The following UGGT2 variants were observed in gnomAD, a reference collection of about 807,000 sequenced individuals.
UGGT2 encodes UDP-glucose glycoprotein glucosyltransferase 2.
A neutral mutation model predicts 192.1 loss-of-function variants in UGGT2; 180 were observed. The observed-to-expected ratio is 0.94, with a 90% CI of 0.83 to 1.06. UGGT2 has a LOEUF of 1.06. Ranked by LOEUF, UGGT2 falls within the 50% of genes least tolerant of loss-of-function variation. UGGT2 has a pLI of 0.00. For missense variants in UGGT2, 1,849 were observed against 1,795.7 expected, an observed-to-expected ratio of 1.03 and a Z score of -0.54; for synonymous variants, 580 against 591.0, an observed-to-expected ratio of 0.98 and a Z score of 0.27.
chr13:95,920,888 G>A (rs1369917383), intron 20 of UGGT2, among the ~76,000 whole-genome samples: 1 of 152,084 alleles, frequency 6.6e-6, no homozygotes, highest in African/African-American at 2.4e-5. Flanking sequence ...AAGGATACAG[G>A]AACGTGTATG....
chr13:95,940,756 A>T (rs572647481), intron 15 of UGGT2, among the ~76,000 whole-genome samples: 1 of 147,334 alleles, frequency 6.8e-6, no homozygotes, highest in Non-Finnish European at 1.5e-5. Context: ...CATCTGGATA[A>T]ATTTTTTTGT....
chr13:95,828,896 T>C (rs543433482), intron 38 of UGGT2, among the ~76,000 whole-genome samples: 1 of 152,280 alleles, frequency 6.6e-6, no homozygotes, highest in African/African-American at 2.4e-5. Flanking sequence ...ATATCCCTGA[T>C]GAACATCAAT....
chr13:95,860,369 A>G (rs1890043353), intron 32 of UGGT2, among the ~76,000 whole-genome samples: 1 of 148,946 alleles, frequency 6.7e-6, no homozygotes, highest in African/African-American at 2.4e-5. Context: ...GTATATCTAT[A>G]TATATATATT....
chr13:95,952,598 T>C (rs757721208), intron 12 of UGGT2, among the ~76,000 whole-genome samples: 47 of 152,198 alleles, frequency 3.1e-4, no homozygotes, highest in Non-Finnish European at 5.4e-4. Flanking sequence ...GTTAGTTGAA[T>C]CCAGGCATGT....
At chr13:95,852,390 C>A (rs546945579) in intron 36 of UGGT2, among the ~76,000 whole-genome samples, 2 of 152,282 alleles carry the variant, frequency 1.3e-5, no homozygotes, top group East Asian at 3.9e-4. Context: ...CAAAAGTCAT[C>A]TTCATAGGGA....
rs1399650031 is a variant in UGGT2, at chr13:95,996,102, T to A, written c.791A>T (p.Glu264Val). The A allele has an allele frequency of 3.1e-6, 5 of 1,613,818 alleles. No homozygotes were observed. The change falls in exon 7 of 39, where the codon GAA becomes GTA. Residue 264 changes from glutamate to valine, a missense_variant. Physicochemically the swap from Glu to Val is moderately radical, Grantham distance 121 (BLOSUM62 -2). Coordinates refer to ENST00000376747, the MANE Select transcript of UGGT2 (RefSeq NM_020121.4). ...GAGAAATCCTTGAACTTCATTTGTTTCAGTCTCATCCTCTACAGTAGTATT... is the reference window on the plus strand; with the variant it reads ...GAGAAATCCTTGAACTTCATTTGTTACAGTCTCATCCTCTACAGTAGTATT... ...VTNTTVEDET[E>V]TNEVQGFLFG...
At chr13:96,031,536 C>CT (rs1343909493) in intron 2 of UGGT2, among the ~76,000 whole-genome samples, 1 of 152,124 alleles carries the variant, frequency 6.6e-6, no homozygotes, top group African/African-American at 2.4e-5. Flanking sequence ...AGGCTAGTCT[C>CT]TGACTCCTGG....
intron 1 of UGGT2, among the ~76,000 whole-genome samples, chr13:96,037,448 C>T (rs779920667): frequency 3.9e-5 from 6 of 152,240 alleles, no homozygotes; most frequent in Admixed American, 6.5e-5. Flanking sequence ...CTGCCCGCCT[C>T]GGCCTCCCCA....
At chr13:96,026,139 G>A (rs568928742) in intron 2 of UGGT2, among the ~76,000 whole-genome samples, 4 of 151,380 alleles carry the variant, frequency 2.6e-5, no homozygotes, top group South Asian at 4.3e-4. Context: ...GACACAGAAT[G>A]ATCAGCATTG....
intron 38 of UGGT2, among the ~76,000 whole-genome samples, chr13:95,821,268 T>A (rs566217531): frequency 1.3e-5 from 2 of 152,310 alleles, no homozygotes; most frequent in East Asian, 3.9e-4. Flanking sequence ...TCTGACTTTT[T>A]CTTCATGGCC....
rs769031474 is a variant in UGGT2, at chr13:95,854,373, G to A, written c.4111C>T (p.Arg1371Cys). The A allele has an allele frequency of 2.4e-5, 39 of 1,613,626 alleles. No homozygotes were observed. The highest frequency in any genetic ancestry group is 3.1e-5 in the Non-Finnish European group (37 of 1,179,842). ...CDSRREMDGYRFWKTGYWASH... is the reference protein window; with the variant it reads ...CDSRREMDGYCFWKTGYWASH... ...GCCCAGTATCCTGTTTTCCAGAAACGATATCCATCCATTTCCCTGCGGCTA... is the reference window on the plus strand; with the variant it reads ...GCCCAGTATCCTGTTTTCCAGAAACAATATCCATCCATTTCCCTGCGGCTA... Residue 1371 changes from arginine (R) to cysteine (C), a missense_variant, in exon 35 of 39, where the codon CGT (arginine) becomes TGT (cysteine). By Grantham distance (180) the Arg-to-Cys change is radical. Transcript: ENST00000376747.
rs139559394 is a variant in UGGT2 at position 95,901,028 on chromosome 13, T to C, written c.2503-90A>G. On this transcript the variant is annotated intron_variant, in intron 21 of 38. Coordinates refer to ENST00000376747, the MANE Select transcript of UGGT2 (RefSeq NM_020121.4). ...TTAAAAAACTAATATTAGTATAAAA[T>C]TTTAAATAATACTTTCAAAATCATT... The C allele has an allele frequency of 7.1e-5, 64 of 903,290 alleles. 1 individual carries two copies. The East Asian group carries it at 2.0e-3, about 28-fold the overall frequency. The allele number at this position is 903,290 out of a possible 1,614,324, so 56.0% of individuals were successfully genotyped here.
chr13:96,018,040 A>C (rs1037424325), intron 4 of UGGT2, among the ~76,000 whole-genome samples: 1 of 152,210 alleles, frequency 6.6e-6, no homozygotes, highest in Non-Finnish European at 1.5e-5. Context: ...AAAGTCTACT[A>C]ACTATAAAAC....
At chr13:95,883,584 A>AT (rs1284731303) in intron 27 of UGGT2, among the ~76,000 whole-genome samples, 1 of 151,946 alleles carries the variant, frequency 6.6e-6, no homozygotes, top group Non-Finnish European at 1.5e-5. Context: ...ATGAGGTCTG[A>AT]TGGTGTTAAA....
intron 1 of UGGT2, among the ~76,000 whole-genome samples, chr13:96,036,290 A>G (rs2053000325): frequency 6.6e-6 from 1 of 152,160 alleles, no homozygotes; most frequent in Non-Finnish European, 1.5e-5. Context: ...ATCCTCAGCA[A>G]ACTAATGCAG....
At chr13:96,036,729 G>A (rs1261097866) in intron 1 of UGGT2, among the ~76,000 whole-genome samples, 1 of 152,122 alleles carries the variant, frequency 6.6e-6, no homozygotes, top group Non-Finnish European at 1.5e-5. Flanking sequence ...TTCTGCACCT[G>A]GTAAAAGGTA....
At chr13:95,898,219 G>C (rs934592743) in intron 22 of UGGT2, among the ~76,000 whole-genome samples, 42 of 152,046 alleles carry the variant, frequency 2.8e-4, no homozygotes, top group African/African-American at 1.0e-3. Context: ...ACAGCCTCTA[G>C]TGATCCAAAT....
chr13:96,028,888 T>G (rs2139144753), intron 2 of UGGT2, among the ~76,000 whole-genome samples: 1 of 152,076 alleles, frequency 6.6e-6, no homozygotes, highest in Non-Finnish European at 1.5e-5. Context: ...CTCACACCTG[T>G]AAATCCCAGA....
At chr13:95,960,213 A>T (rs1271540646) in intron 12 of UGGT2, among the ~76,000 whole-genome samples, 1 of 152,234 alleles carries the variant, frequency 6.6e-6, no homozygotes, top group African/African-American at 2.4e-5. Flanking sequence ...CTCCAAAGGA[A>T]CACAATAATT....
Sources: gnomAD v4.1 joint callset for allele counts (sites outside exome capture counted in the v4.1 genomes callset) on GRCh38, gnomAD v4.1.1 for gene constraint, MANE v1.5 for transcripts, NCBI Gene and HGNC (gene_info 2026-07-23, HGNC 2026-07-21) for gene names.